The following LYPLA1 variants were observed in gnomAD, a reference collection of about 807,000 sequenced individuals.
The protein encoded by LYPLA1 is acyl-protein thioesterase 1.
In LYPLA1, 17 loss-of-function variants were observed where a neutral mutation model predicts 34.0. The ratio of observed to expected loss-of-function variants is 0.50; its 90% confidence interval spans 0.34 to 0.75. LYPLA1 has a LOEUF of 0.75. LYPLA1 is among the 30% of genes least tolerant of loss of function. The pLI, the probability that LYPLA1 is intolerant of heterozygous loss-of-function variation, is 0.01. For missense variants in LYPLA1, 203 were observed against 288.8 expected (o/e 0.70, Z 2.15); for synonymous variants, 98 against 100.8 (o/e 0.97, Z 0.17).
In LYPLA1 at chr8:54,079,927, T is replaced by A. The variant is rs192342314; in HGVS notation, c.102-14114A>T. 2.4e-3 allele frequency among the ~76,000 whole-genome samples: 363 copies of A among 152,326 alleles called. 4 individuals are homozygous for A. The highest frequency in any genetic ancestry group is 4.0e-3 in the East Asian group (21 of 5,190). On this transcript the variant is annotated intron_variant, in intron 2 of 8. Transcript: ENST00000316963. Reference sequence around the variant, plus strand: ...CAATGCTGATTTTCTGTAAGCTTTTTCTATTTCTATTTCAATTTCTAAGTA... The same window carrying A: ...CAATGCTGATTTTCTGTAAGCTTTTACTATTTCTATTTCAATTTCTAAGTA...
At chr8:54,067,645 A>G (rs1807164108) in intron 2 of LYPLA1, among the ~76,000 whole-genome samples, 1 of 151,992 alleles carries the variant, frequency 6.6e-6, no homozygotes, top group African/African-American at 2.4e-5. Context: ...AGAATAAAGT[A>G]CCAGTAATTT....
chr8:54,059,109 C>A (rs1806416124), intron 5 of LYPLA1, among the ~76,000 whole-genome samples: 2 of 152,186 alleles, frequency 1.3e-5, no homozygotes, highest in Admixed American at 1.3e-4. Flanking sequence ...GTATCTTCTT[C>A]ACAGGGCCCA....
intron 3 of LYPLA1, 148 bp downstream of exon 3, chr8:54,065,598 GTT>G (rs938063440): frequency 8.4e-5 from 41 of 489,024 alleles, no homozygotes; most frequent in African/African-American, 7.6e-4. Context: ...AACCATTTTA[GTT>G]TTAAGGAATT....
intron 5 of LYPLA1, among the ~76,000 whole-genome samples, chr8:54,061,659 T>C (rs998898961): frequency 2.0e-5 from 3 of 151,818 alleles, no homozygotes; most frequent in Non-Finnish European, 4.4e-5. Flanking sequence ...TGCGCCTCCA[T>C]GGTCCCAGCC....
At chr8:54,086,398 CGA>C (rs1808768877) in intron 2 of LYPLA1, among the ~76,000 whole-genome samples, 1 of 139,386 alleles carries the variant, frequency 7.2e-6, no homozygotes, top group Non-Finnish European at 1.5e-5. Flanking sequence ...TCCCCCTCTC[CGA>C]GAAACACCCA....
chr8:54,044,422 C>G (rs1368717220), downstream of LYPLA1, among the ~76,000 whole-genome samples: 1 of 152,048 alleles, frequency 6.6e-6, no homozygotes, highest in Non-Finnish European at 1.5e-5. Context: ...TATTTAACTT[C>G]GTGTGTTGAC....
In LYPLA1 at chr8:54,101,913, C is replaced by A; in HGVS notation, c.-90G>T. On this transcript the variant is annotated 5_prime_UTR_variant, in exon 1 of 9. Transcript: ENST00000316963. ...TGCGAGCGGCGAGTCCCGGCCGGCC[C>A]CACCGGGCGCACGCTCAGGCGCGTG... The A allele has an allele frequency of 2.7e-6, 2 of 732,498 alleles. No homozygotes were observed. Among genetic ancestry groups the A allele is most frequent in the Non-Finnish European group, 3.6e-6 (2 of 556,996 alleles). 45.4% of individuals were successfully genotyped at this position (732,498 alleles called of 1,614,324 possible). A position where few individuals can be genotyped will look rare whatever the true frequency, so the allele number is the denominator to read the frequency against.
intron 8 of LYPLA1, among the ~76,000 whole-genome samples, chr8:54,049,194 G>C (rs564079950): frequency 5.4e-4 from 83 of 152,302 alleles, no homozygotes; most frequent in Admixed American, 2.6e-3. Flanking sequence ...TTTAACCCAG[G>C]CTGAGTGGTT....
chr8:54,065,252 A>G (rs891630289), intron 3 of LYPLA1, among the ~76,000 whole-genome samples: 5 of 152,138 alleles, frequency 3.3e-5, no homozygotes, highest in African/African-American at 9.7e-5. Context: ...GAGGTCAGGC[A>G]TTTGAGAATA....
At chr8:54,069,688 C>T (rs570349675) in intron 2 of LYPLA1, among the ~76,000 whole-genome samples, 6 of 149,004 alleles carry the variant, frequency 4.0e-5, no homozygotes, top group Admixed American at 2.7e-4. Flanking sequence ...CCAGCCTGGG[C>T]GACAGAGTGA....
chr8:54,090,158 T>TG (rs894919757), intron 2 of LYPLA1, among the ~76,000 whole-genome samples: 3 of 152,184 alleles, frequency 2.0e-5, no homozygotes, highest in African/African-American at 4.8e-5. Context: ...ACGGACGCAT[T>TG]GGGGGCGCCT....
intron 2 of LYPLA1, among the ~76,000 whole-genome samples, chr8:54,097,001 A>G (rs537222788): frequency 6.6e-6 from 1 of 152,288 alleles, no homozygotes; most frequent in South Asian, 2.1e-4. Context: ...ACAAAATGGA[A>G]TGACAAAAAA....
chr8:54,063,348 C>A lies in LYPLA1; in HGVS notation c.195G>T (p.Met65Ile). 1 of 1,537,302 alleles carries A rather than the reference C, an allele frequency of 6.5e-7. No homozygotes were observed. Among genetic ancestry groups the A allele is most frequent in the South Asian group, 1.3e-5 (1 of 79,972 alleles). ...CTTACCATGAAGGCATAGCCACGTT[C>A]ATATTTAATGTAACAGGCCTAACAG... is the stretch of plus-strand genomic sequence containing the variant. The part of the protein sequence containing the change: ...HAPVRPVTLN[M>I]NVAMPSWFDI... Residue 65 changes from methionine (M) to isoleucine (I), a missense_variant, in exon 4 of 9, where the codon ATG (methionine) becomes ATT (isoleucine). This residue lies in a region of LYPLA1 where 75 missense variants were observed against 73.5 expected (regional missense o/e 1.02). Transcript: ENST00000316963.
intron 2 of LYPLA1, among the ~76,000 whole-genome samples, chr8:54,075,868 ATTGC>A (rs1354670441): frequency 6.6e-6 from 1 of 152,210 alleles, no homozygotes; most frequent in African/African-American, 2.4e-5. Flanking sequence ...GTTTAGGAAG[ATTGC>A]ACTGCAGAAC....
chr8:54,084,159 T>TATATATATATATATATAA (rs1808532093), intron 2 of LYPLA1, among the ~76,000 whole-genome samples: 17 of 134,122 alleles, frequency 1.3e-4, no homozygotes, highest in African/African-American at 4.8e-4. Context: ...TATATATATA[T>TATATATATATATATATAA]ATATAAAATA....
intron 2 of LYPLA1, among the ~76,000 whole-genome samples, chr8:54,072,072 A>C (rs950453249): frequency 6.6e-6 from 1 of 152,186 alleles, no homozygotes; most frequent in Non-Finnish European, 1.5e-5. Flanking sequence ...ACAGCACAGA[A>C]GTAAGGTCAC....
At chr8:54,084,211 A>C (rs1808538806) in intron 2 of LYPLA1, among the ~76,000 whole-genome samples, 1 of 149,030 alleles carries the variant, frequency 6.7e-6, no homozygotes, top group Non-Finnish European at 1.5e-5. Context: ...CTGAAAAAAA[A>C]CCAAAACCAA....
intron 7 of LYPLA1, among the ~76,000 whole-genome samples, chr8:54,051,662 G>A (rs1221239079): frequency 6.6e-6 from 1 of 151,964 alleles, no homozygotes; most frequent in Non-Finnish European, 1.5e-5. Context: ...TGTTACCCAG[G>A]ATGGTCTCAA....
chr8:54,077,074 G>A (rs1001080895), intron 2 of LYPLA1, among the ~76,000 whole-genome samples: 3 of 151,918 alleles, frequency 2.0e-5, no homozygotes, highest in Admixed American at 2.0e-4. Flanking sequence ...CAACAGCAAA[G>A]ACATTAAATC....
Sources: gnomAD v4.1 joint callset for allele counts (sites outside exome capture counted in the v4.1 genomes callset) on GRCh38, gnomAD v4.1.1 for gene constraint, gnomAD v4.1.1 regional missense constraint, MANE v1.5 for transcripts, NCBI Gene and HGNC (gene_info 2026-07-23, HGNC 2026-07-21) for gene names.